Variants in LRGUK observed in about 807,000 individuals in gnomAD.
The protein encoded by LRGUK is leucine-rich repeat and guanylate kinase domain-containing protein.
LRGUK carries 65 observed loss-of-function variants against 76.0 expected under a neutral mutation model. The observed-to-expected ratio is 0.85, with a 90% CI of 0.70 to 1.05. The LOEUF is 1.05. Among genes scored for constraint, LRGUK ranks in the 50% least tolerant of loss-of-function variants. The pLI, the probability that LRGUK is intolerant of heterozygous loss-of-function variation, is 0.00. For missense variants in LRGUK, 758 were observed against 732.8 expected (o/e 1.03, Z -0.40); for synonymous variants, 268 against 265.6 (o/e 1.01, Z -0.09).
chr7:134,158,059 G>A (rs1170216666), exon 6 of LRGUK: 1 of 1,612,634 alleles, frequency 6.2e-7, no homozygotes, highest in Non-Finnish European at 8.5e-7. Flanking sequence ...GAAATCAGTG[G>A]ACTAGAGATG....
At chr7:134,142,567 G>A (rs1056712204) in intron 3 of LRGUK, among the ~76,000 whole-genome samples, 3 of 151,886 alleles carry the variant, frequency 2.0e-5, no homozygotes, top group South Asian at 2.1e-4. Flanking sequence ...ATGCGATCTA[G>A]TGGTAAGTCC....
At chr7:134,159,832 A>G (rs1798646949) in intron 6 of LRGUK, among the ~76,000 whole-genome samples, 1 of 152,114 alleles carries the variant, frequency 6.6e-6, no homozygotes, top group South Asian at 2.1e-4. Flanking sequence ...AACCTCTTCC[A>G]TTCCTGCAGT....
intron 18 of LRGUK, among the ~76,000 whole-genome samples, chr7:134,250,678 A>C (rs1802420515): frequency 6.6e-6 from 1 of 152,164 alleles, no homozygotes; most frequent in East Asian, 1.9e-4. Context: ...TTCACTAGAG[A>C]TTAGAGACCC....
Position 134,178,370 on chromosome 7 carries a change from A to T in LRGUK, c.1108-133A>T. ...GACATGAAGACTGAATACTAATGTT[A>T]ATGGGTGTGTGTTAAATTATTTTGT... is the stretch of plus-strand genomic sequence containing the variant. On this transcript the variant is annotated intron_variant, in intron 9 of 15. Coordinates refer to ENST00000645682, the Ensembl canonical transcript of LRGUK. 1.1e-5 allele frequency: 6 copies of T among 550,646 alleles called. No individual in the cohort carries two copies. In the South Asian group the frequency reaches 1.6e-4, roughly 15 times the overall value. The allele number at this position is 550,646 out of a possible 1,614,324, so 34.1% of individuals were successfully genotyped here. A position where few individuals can be genotyped will look rare whatever the true frequency, so the allele number is the denominator to read the frequency against.
At chr7:134,139,183 G>A (rs1209361143) in intron 2 of LRGUK, among the ~76,000 whole-genome samples, 1 of 151,986 alleles carries the variant, frequency 6.6e-6, no homozygotes, top group Non-Finnish European at 1.5e-5. Context: ...CTTTAAATTG[G>A]CCTTTCATGT....
At chr7:134,249,180 C>T in intron 18 of LRGUK, 104 bp downstream of exon 18, 1 of 1,283,918 alleles carries the variant, frequency 7.8e-7, no homozygotes, top group Non-Finnish European at 1.0e-6. Flanking sequence ...AACTGGGAAG[C>T]AGGGCCCTAA....
rs201554791 is a variant in LRGUK at position 134,241,079 on chromosome 7, T to C, written c.1984-6477T>C. Among the ~76,000 whole-genome samples the C allele has an allele frequency of 5.9e-5, 9 of 152,226 alleles. No individual in the cohort carries two copies. In the East Asian group the frequency reaches 1.7e-3, roughly 29 times the overall value. ...CACTAAAATGGAAAGGAACAACCAG[T>C]ACCAGCCACTGCAAAAACATGCCAA... On this transcript the variant is annotated intron_variant, in intron 16 of 19. Transcript: ENST00000285928.
chr7:134,228,333 G>A (rs1445830230), intron 16 of LRGUK, among the ~76,000 whole-genome samples: 1 of 152,084 alleles, frequency 6.6e-6, no homozygotes, highest in Non-Finnish European at 1.5e-5. Flanking sequence ...TACATGAAAG[G>A]GAACAGTAGA....
chr7:134,138,677 G>A (rs1797634243), intron 2 of LRGUK, among the ~76,000 whole-genome samples: 1 of 152,004 alleles, frequency 6.6e-6, no homozygotes. Context: ...ACTCTTCATT[G>A]GTTTGCTTGT....
intron 6 of LRGUK, among the ~76,000 whole-genome samples, chr7:134,159,602 A>G (rs925225485): frequency 3.9e-5 from 6 of 152,154 alleles, no homozygotes; most frequent in Admixed American, 2.6e-4. Context: ...CAGCCTGGCC[A>G]AGATGGTGAA....
chr7:134,219,585 A>G (rs1250644749), intron 15 of LRGUK, among the ~76,000 whole-genome samples: 1 of 152,164 alleles, frequency 6.6e-6, no homozygotes, highest in Non-Finnish European at 1.5e-5. Flanking sequence ...GTTCCAGTTC[A>G]TCTAGTCTTT....
intron 15 of LRGUK, among the ~76,000 whole-genome samples, chr7:134,219,402 G>C (rs1801517890): frequency 6.6e-6 from 1 of 152,158 alleles, no homozygotes; most frequent in African/African-American, 2.4e-5. Context: ...GATGGAACTT[G>C]ACTTATTTAC....
intron 4 of LRGUK, 142 bp from the exon 5 acceptor site, chr7:134,148,096 A>G: frequency 1.8e-6 from 1 of 543,800 alleles, no homozygotes; most frequent in Non-Finnish European, 3.2e-6. Flanking sequence ...AAGACAGATG[A>G]TTCTTTTAGC....
chr7:134,142,918 T>C, intron 3 of LRGUK, 144 bp from the exon 4 acceptor site: 1 of 550,684 alleles, frequency 1.8e-6, no homozygotes, highest in Non-Finnish European at 3.2e-6. Context: ...CCTGATTTTA[T>C]TCCTTTCACT....
intron 1 of LRGUK, among the ~76,000 whole-genome samples, chr7:134,130,179 A>C (rs540486158): frequency 6.6e-6 from 1 of 152,122 alleles, no homozygotes; most frequent in East Asian, 1.9e-4. Flanking sequence ...ATTCGTTATT[A>C]CTTCTTTTGT....
In LRGUK at chr7:134,127,390, T is replaced by C. The variant is rs201090054; in HGVS notation, c.23T>C (p.Leu8Pro). 5.0e-6 allele frequency: 8 copies of C among 1,609,108 alleles called. No individual in the cohort carries two copies. In the African/African-American group the frequency reaches 5.4e-5, roughly 11 times the overall value. ...AAGATGGCGACCTCCGAGAGGGCTC[T>C]CCTGAGGACCAGAGCTGCCTCTCTC... Residue 8 changes from leucine (L) to proline (P), a missense_variant, in exon 1 of 16, where the codon CTC (leucine) becomes CCC (proline). By Grantham distance (98) the Leu-to-Pro change is moderately conservative (BLOSUM62 -3). Coordinates refer to ENST00000645682, the Ensembl canonical transcript of LRGUK.
At position 134,227,424 on chromosome 7, in the gene LRGUK, A is replaced by C. The variant is rs76725779; in HGVS notation, c.1983+5506A>C. Among the ~76,000 whole-genome samples the C allele has an allele frequency of 1.9e-3, 284 of 152,326 alleles. 4 individuals are homozygous for C. The highest frequency in any genetic ancestry group is 0.014 in the Admixed American group (208 of 15,292). Reference sequence around the variant, plus strand: ...TATTCAAAAGATCCCAGATGTCCCTAGGTCCATGGCAGAAAAAATATATAT... The same window carrying C: ...TATTCAAAAGATCCCAGATGTCCCTCGGTCCATGGCAGAAAAAATATATAT... On this transcript the variant is annotated intron_variant, in intron 16 of 19. Coordinates refer to the LRGUK transcript ENST00000285928.
rs112157959 is a variant in LRGUK at position 134,163,318 on chromosome 7, T to C, written c.796-79T>C. The C allele has an allele frequency of 1.7e-3, 2,230 of 1,324,660 alleles. 45 individuals are homozygous for C. The African/African-American group carries it at 0.029, about 17-fold the overall frequency. The allele number at this position is 1,324,660 out of a possible 1,614,324, so 82.1% of individuals were successfully genotyped here. A position where few individuals can be genotyped will look rare whatever the true frequency, so the allele number is the denominator to read the frequency against. ...TTTTTTTTAGAGAGATTTGGGTCAG[T>C]ATCCCAAATGAAAACTTGCCATTAC... On this transcript the variant is annotated intron_variant, in intron 6 of 15. Transcript: ENST00000645682.
At chr7:134,262,652 C>G (rs1585612857) in intron 19 of LRGUK, among the ~76,000 whole-genome samples, 1 of 151,948 alleles carries the variant, frequency 6.6e-6, no homozygotes, top group Admixed American at 6.5e-5. Context: ...AAGATATCCC[C>G]ATGGAGAAAA....
Sources: allele counts gnomAD v4.1 joint callset (sites outside exome capture counted in the v4.1 genomes callset), GRCh38; gene constraint gnomAD v4.1.1; transcripts MANE v1.5; gene names NCBI Gene and HGNC (gene_info 2026-07-23, HGNC 2026-07-21).